Variants in CTNND2 observed in about 807,000 individuals in gnomAD.
The protein encoded by CTNND2 is catenin delta 2, also known as catenin delta-2.
In CTNND2, 22 loss-of-function variants were observed where a neutral mutation model predicts 144.4. The ratio of observed to expected loss-of-function variants is 0.15; its 90% CI spans 0.11 to 0.22. CTNND2 has a LOEUF of 0.22. Among genes scored for constraint, CTNND2 ranks in the 10% least tolerant of loss-of-function variants. The pLI is 1.00. For missense variants in CTNND2, 1,353 were observed against 1,618.8 expected, an observed-to-expected ratio of 0.84 and a Z score of 2.82; for synonymous variants, 751 against 695.6, an observed-to-expected ratio of 1.08 and a Z score of -1.25.
intron 12 of CTNND2, among the ~76,000 whole-genome samples, chr5:11,147,765 G>GA (rs1213273766): frequency 4.6e-5 from 7 of 151,512 alleles, no homozygotes; most frequent in Non-Finnish European, 1.0e-4. Flanking sequence ...TGAACATACA[G>GA]AAAAAAAAGG....
At chr5:11,191,927 G>A (rs969081923) in intron 11 of CTNND2, among the ~76,000 whole-genome samples, 23 of 152,128 alleles carry the variant, frequency 1.5e-4, no homozygotes, top group African/African-American at 5.1e-4. Flanking sequence ...CTGCTGGCCC[G>A]TGTCAACTGC....
At position 11,430,461 on chromosome 5, in the gene CTNND2, C is replaced by G. The variant is rs1763196236; in HGVS notation, c.288-18392G>C. On this transcript the variant is annotated intron_variant, in intron 3 of 21. Coordinates refer to ENST00000304623, the MANE Select transcript of CTNND2 (RefSeq NM_001332.4). ...AAAAGAGCTTACAGAGAATAAAAAG[C>G]ATGTTTCCTTTCCTTTGTCTCCTTT... 2.7e-5 allele frequency among the ~76,000 whole-genome samples: 4 copies of G among 147,278 alleles called. No individual in the cohort carries two copies. The South Asian group carries it at 8.5e-4, about 31-fold the overall frequency.
At chr5:11,451,101 A>G (rs1050796598) in intron 3 of CTNND2, among the ~76,000 whole-genome samples, 1 of 151,872 alleles carries the variant, frequency 6.6e-6, no homozygotes, top group African/African-American at 2.4e-5. Context: ...TTATATAAAA[A>G]TTAACCATAT....
At chr5:11,094,271 T>C (rs1229705989) in intron 15 of CTNND2, among the ~76,000 whole-genome samples, 7 of 152,182 alleles carry the variant, frequency 4.6e-5, no homozygotes, top group African/African-American at 7.2e-5. Flanking sequence ...CTAAAATTAC[T>C]AGTAATAACA....
At chr5:11,616,168 T>A (rs573138926) in intron 2 of CTNND2, among the ~76,000 whole-genome samples, 27 of 152,320 alleles carry the variant, frequency 1.8e-4, no homozygotes, top group African/African-American at 6.5e-4. Flanking sequence ...AGACAGCTTT[T>A]CTTTCCAATT....
chr5:11,577,642 C>T (rs1778069122), intron 2 of CTNND2, among the ~76,000 whole-genome samples: 1 of 152,088 alleles, frequency 6.6e-6, no homozygotes, highest in South Asian at 2.1e-4. Flanking sequence ...AATTAGATTC[C>T]ATCTTATTGG....
intron 18 of CTNND2, among the ~76,000 whole-genome samples, chr5:11,006,011 C>T (rs974200799): frequency 6.6e-6 from 1 of 151,900 alleles, no homozygotes; most frequent in Non-Finnish European, 1.5e-5. Flanking sequence ...AGGGATCTTG[C>T]CTATATGCTG....
chr5:11,451,344 A>G (rs1349482468), intron 3 of CTNND2, among the ~76,000 whole-genome samples: 1 of 152,172 alleles, frequency 6.6e-6, no homozygotes, highest in Non-Finnish European at 1.5e-5. Context: ...CCTAGAACCA[A>G]GAGCTCTAAA....
intron 9 of CTNND2, among the ~76,000 whole-genome samples, chr5:11,322,880 A>AT (rs1257807670): frequency 6.6e-6 from 1 of 152,190 alleles, no homozygotes; most frequent in Non-Finnish European, 1.5e-5. Flanking sequence ...GGGAGGCTAC[A>AT]GGGCAATTTG....
At position 11,365,054 on chromosome 5, in the gene CTNND2, C is replaced by T. The variant is rs2074260; in HGVS notation, c.1178-164G>A. On this transcript the variant is annotated intron_variant, in intron 7 of 21. Transcript: ENST00000304623. Reference sequence around the variant, plus strand: ...CAATATGTCAACCTAATCAGCCTGTCGGCATCACCCAGCTGCCTGGCTTTG... The same window carrying T: ...CAATATGTCAACCTAATCAGCCTGTTGGCATCACCCAGCTGCCTGGCTTTG... Among the ~76,000 whole-genome samples, 66,875 of 152,178 alleles carry T rather than the reference C, an allele frequency of 0.44. 15,078 individuals carry two copies. Among genetic ancestry groups the T allele is most frequent in the Non-Finnish European group, 0.47 (31,951 of 68,012 alleles).
intron 11 of CTNND2, among the ~76,000 whole-genome samples, chr5:11,180,298 C>T (rs1194695589): frequency 2.0e-5 from 3 of 152,170 alleles, no homozygotes; most frequent in Non-Finnish European, 4.4e-5. Context: ...GAGGACTACT[C>T]AGCCATGTGG....
chr5:11,809,666 A>T (rs1361392261), intron 1 of CTNND2, among the ~76,000 whole-genome samples: 1 of 152,188 alleles, frequency 6.6e-6, no homozygotes, highest in Non-Finnish European at 1.5e-5. Context: ...AAACAAGGGA[A>T]CAGGTAAAGC....
At chr5:11,245,740 A>G (rs968853574) in intron 9 of CTNND2, among the ~76,000 whole-genome samples, 1 of 152,216 alleles carries the variant, frequency 6.6e-6, no homozygotes, top group Non-Finnish European at 1.5e-5. Flanking sequence ...AGCAGCAGGA[A>G]TCTAACACAG....
At chr5:11,879,362 T>C (rs868040954) in intron 1 of CTNND2, among the ~76,000 whole-genome samples, 4 of 137,200 alleles carry the variant, frequency 2.9e-5, no homozygotes, top group Non-Finnish European at 6.4e-5. Context: ...TATATACATA[T>C]ACACACACAC....
chr5:11,741,494 C>G (rs1457919684), intron 1 of CTNND2, among the ~76,000 whole-genome samples: 1 of 152,020 alleles, frequency 6.6e-6, no homozygotes, highest in African/African-American at 2.4e-5. Context: ...TGCATGTTCT[C>G]ACTCACAGGT....
At chr5:11,504,647 C>T (rs956731770) in intron 3 of CTNND2, among the ~76,000 whole-genome samples, 2 of 152,156 alleles carry the variant, frequency 1.3e-5, no homozygotes, top group African/African-American at 2.4e-5. Context: ...AACGGTGTCA[C>T]GGCCCAGCCT....
chr5:11,340,743 G>C (rs903966570), intron 9 of CTNND2, among the ~76,000 whole-genome samples: 16 of 152,122 alleles, frequency 1.1e-4, no homozygotes, highest in Non-Finnish European at 2.4e-4. Context: ...GCTCAAATAG[G>C]TATGAATGTC....
chr5:11,439,699 G>A (rs1214201502), intron 3 of CTNND2, among the ~76,000 whole-genome samples: 2 of 151,802 alleles, frequency 1.3e-5, no homozygotes, highest in Non-Finnish European at 2.9e-5. Flanking sequence ...GCCCATTCAG[G>A]AACTGGGATG....
intron 3 of CTNND2, among the ~76,000 whole-genome samples, chr5:11,510,721 A>G (rs1156899656): frequency 1.3e-5 from 2 of 152,202 alleles, no homozygotes; most frequent in Non-Finnish European, 2.9e-5. Flanking sequence ...ACTTGAGGCC[A>G]GGTGTTCAAG....
Sources: allele counts gnomAD v4.1 joint callset (sites outside exome capture counted in the v4.1 genomes callset), GRCh38; gene constraint gnomAD v4.1.1; transcripts MANE v1.5; gene names NCBI Gene and HGNC (gene_info 2026-07-23, HGNC 2026-07-21).